Variants in MIS18A observed in about 807,000 individuals in gnomAD.
The protein encoded by MIS18A is MIS18 kinetochore protein A, also known as protein Mis18-alpha.
Under a neutral mutation model 25.0 loss-of-function variants are expected in MIS18A, and 14 were observed. That is an observed-to-expected ratio of 0.56 (90% confidence interval 0.37 to 0.88). MIS18A has a LOEUF of 0.88. Among genes scored for constraint, MIS18A ranks in the 40% least tolerant of loss-of-function variants. The pLI is 0.00. For missense variants in MIS18A, 292 were observed against 290.8 expected (o/e 1.00, Z -0.03); for synonymous variants, 134 against 118.6 (o/e 1.13, Z -0.84).
chr21:32,161,606 C>T, the MIS18A span, among the ~76,000 whole-genome samples: 1 of 151,444 alleles, frequency 6.6e-6, no homozygotes, highest in African/African-American at 2.4e-5. Context: ...ATTCTCCTGC[C>T]TCAGCCTCCC....
At chr21:32,207,197 T>A in the MIS18A span, among the ~76,000 whole-genome samples, 11 of 152,256 alleles carry the variant, frequency 7.2e-5, no homozygotes, top group South Asian at 1.2e-3. Context: ...GTAACAAATA[T>A]CTGCTTCAGG....
the MIS18A span, among the ~76,000 whole-genome samples, chr21:32,199,525 G>A: frequency 6.6e-6 from 1 of 152,262 alleles, no homozygotes; most frequent in Non-Finnish European, 1.5e-5. Context: ...TACAGTCTTG[G>A]GGCCGGGCGT....
the MIS18A span, among the ~76,000 whole-genome samples, chr21:32,219,719 C>G: frequency 6.6e-6 from 1 of 152,202 alleles, no homozygotes; most frequent in African/African-American, 2.4e-5. Context: ...GAGCTAAGAT[C>G]CACTGGTGTG....
chr21:32,160,447 C>A, the MIS18A span, among the ~76,000 whole-genome samples: 82 of 151,948 alleles, frequency 5.4e-4, no homozygotes, highest in African/African-American at 1.8e-3. Flanking sequence ...TGAGGATGGG[C>A]GCTTGTGACA....
the MIS18A span, among the ~76,000 whole-genome samples, chr21:32,196,607 A>AC: frequency 6.6e-6 from 1 of 151,884 alleles, no homozygotes; most frequent in Non-Finnish European, 1.5e-5. Flanking sequence ...GGTGCATGCC[A>AC]CTGTGCCCAG....
the MIS18A span, among the ~76,000 whole-genome samples, chr21:32,191,773 C>T: frequency 2.0e-3 from 302 of 151,894 alleles, 1 homozygote; most frequent in Non-Finnish European, 2.3e-3. Context: ...AGCGTTGTGG[C>T]GGGTGCCTGT....
the MIS18A span, among the ~76,000 whole-genome samples, chr21:32,245,050 G>T: frequency 1.3e-5 from 2 of 152,160 alleles, no homozygotes; most frequent in African/African-American, 4.8e-5. Flanking sequence ...TTTGGAAAAA[G>T]AATTGTTAGT....
At chr21:32,226,287 AAAAG>A in the MIS18A span, among the ~76,000 whole-genome samples, 3 of 151,650 alleles carry the variant, frequency 2.0e-5, no homozygotes, top group Admixed American at 6.6e-5. Context: ...TAATAAAAAA[AAAAG>A]AAAAAAAAAA....
At chr21:32,273,493 C>T (rs1340500112) in intron 2 of MIS18A, among the ~76,000 whole-genome samples, 6 of 152,100 alleles carry the variant, frequency 3.9e-5, no homozygotes, top group Admixed American at 3.3e-4. Flanking sequence ...CCAGAGATTC[C>T]AAGCATCTTA....
At chr21:32,267,242 CACA>C (rs2031623028), downstream of MIS18A, among the ~76,000 whole-genome samples, 1 of 152,252 alleles carries the variant, frequency 6.6e-6, no homozygotes, top group Non-Finnish European at 1.5e-5. Context: ...TCTTATGAAA[CACA>C]GTATTTCCTG....
At chr21:32,226,660 G>A in the MIS18A span, among the ~76,000 whole-genome samples, 7 of 152,142 alleles carry the variant, frequency 4.6e-5, no homozygotes, top group African/African-American at 1.7e-4. Context: ...AACAGTTGGA[G>A]ACTTTCAACC....
the MIS18A span, among the ~76,000 whole-genome samples, chr21:32,176,781 A>T: frequency 2.1e-5 from 3 of 145,766 alleles, no homozygotes; most frequent in East Asian, 6.2e-4. Flanking sequence ...AACAAGGCAA[A>T]ACTTGATTCT....
the MIS18A span, among the ~76,000 whole-genome samples, chr21:32,170,427 G>C: frequency 2.0e-5 from 3 of 152,230 alleles, no homozygotes; most frequent in East Asian, 5.8e-4. Context: ...AGCTGCTTGT[G>C]ATGTTATATT....
chr21:32,234,922 T>C, the MIS18A span, among the ~76,000 whole-genome samples: 60 of 152,280 alleles, frequency 3.9e-4, no homozygotes, highest in African/African-American at 1.4e-3. Context: ...ATGCAAATCT[T>C]ATTCTGTAAT....
chr21:32,256,559 C>A, the MIS18A span, among the ~76,000 whole-genome samples: 1 of 152,242 alleles, frequency 6.6e-6, no homozygotes, highest in East Asian at 1.9e-4. Flanking sequence ...ATTAGACATT[C>A]CCTGTTTCGC....
At chr21:32,227,468 G>A in the MIS18A span, among the ~76,000 whole-genome samples, 17 of 151,960 alleles carry the variant, frequency 1.1e-4, no homozygotes, top group South Asian at 8.3e-4. Context: ...TAGATGAAAC[G>A]GACATATTCT....
At chr21:32,271,888 A>G (rs1231664061) in intron 2 of MIS18A, among the ~76,000 whole-genome samples, 1 of 152,240 alleles carries the variant, frequency 6.6e-6, no homozygotes, top group Non-Finnish European at 1.5e-5. Context: ...CAAGACTGCA[A>G]ACTAATATCT....
In MIS18A at chr21:32,268,795, G is replaced by GTT. The variant is rs35101292; in HGVS notation, c.*240_*241dup. ...TATAGAAGTAATTCTACAATTTTGGGTTTTTTTTTTGAGAGAAGGTCTCAC... is the reference window on the plus strand; with the variant it reads ...TATAGAAGTAATTCTACAATTTTGGGTTTTTTTTTTTTGAGAGAAGGTCTCAC... On this transcript the variant is annotated 3_prime_UTR_variant, in exon 5 of 5. Transcript: ENST00000290130. 1,204 of 311,802 alleles carry GTT rather than the reference G, an allele frequency of 3.9e-3. No homozygotes were observed. Among genetic ancestry groups the GTT allele is most frequent in the East Asian group, 0.01 (191 of 18,840 alleles). The allele number at this position is 311,802 out of a possible 1,614,324, so 19.3% of individuals were successfully genotyped here. A position where few individuals can be genotyped will look rare whatever the true frequency, so the allele number is the denominator to read the frequency against.
chr21:32,207,300 C>A, the MIS18A span, among the ~76,000 whole-genome samples: 1 of 152,152 alleles, frequency 6.6e-6, no homozygotes, highest in African/African-American at 2.4e-5. Flanking sequence ...AAAGAAACAG[C>A]TCAGGGTTGA....
Sources: allele counts gnomAD v4.1 joint callset (sites outside exome capture counted in the v4.1 genomes callset), GRCh38; gene constraint gnomAD v4.1.1; transcripts MANE v1.5; gene names NCBI Gene and HGNC (gene_info 2026-07-23, HGNC 2026-07-21).